Variants in BBS9 observed in about 807,000 individuals in gnomAD.
The protein encoded by BBS9 is protein PTHB1.
In BBS9, 89 loss-of-function variants were observed where a neutral mutation model predicts 117.7. The observed-to-expected ratio is 0.76, with a 90% CI of 0.64 to 0.90. BBS9 has a LOEUF of 0.90. Among genes scored for constraint, BBS9 ranks in the 40% least tolerant of loss-of-function variants. BBS9 has a pLI of 0.00. For missense variants in BBS9, 982 were observed against 1,042.2 expected (o/e 0.94, Z 0.80); for synonymous variants, 379 against 370.9 (o/e 1.02, Z -0.25).
At chr7:33,358,772 T>A (rs185933191) in intron 16 of BBS9, among the ~76,000 whole-genome samples, 244 of 152,050 alleles carry the variant, frequency 1.6e-3, no homozygotes, top group Non-Finnish European at 2.7e-3. Flanking sequence ...TCAGCACTGT[T>A]GGCTAGGAGA....
intron 1 of BBS9, among the ~76,000 whole-genome samples, chr7:33,131,385 G>T (rs897735356): frequency 2.4e-4 from 36 of 152,220 alleles, no homozygotes; most frequent in African/African-American, 8.2e-4. Flanking sequence ...TGCACCCAGA[G>T]CTGTCCTACT....
chr7:33,597,069 T>TCACACACACACACA (rs58511454), intron 21 of BBS9, among the ~76,000 whole-genome samples: 1 of 138,840 alleles, frequency 7.2e-6, no homozygotes, highest in Non-Finnish European at 1.6e-5. Context: ...TCTCTCTCTG[T>TCACACACACACACA]CACACACACA....
chr7:33,492,206 AAAAAAAAC>A (rs1844036009), intron 19 of BBS9, among the ~76,000 whole-genome samples: 1 of 147,480 alleles, frequency 6.8e-6, no homozygotes, highest in East Asian at 2.0e-4. Flanking sequence ...CCACCTCGAA[AAAAAAAAC>A]AAAAAAAAAA....
intron 12 of BBS9, among the ~76,000 whole-genome samples, chr7:33,345,896 A>G (rs1817506734): frequency 6.6e-6 from 1 of 152,178 alleles, no homozygotes; most frequent in African/African-American, 2.4e-5. Flanking sequence ...TTGTACCCCC[A>G]GCCAACCAGG....
chr7:33,564,042 TA>T (rs200296143), intron 21 of BBS9, among the ~76,000 whole-genome samples: 1 of 104,334 alleles, frequency 9.6e-6, no homozygotes, highest in Non-Finnish European at 1.7e-5. Flanking sequence ...ATCAATTCTT[TA>T]AAAAAAATTT....
At chr7:33,501,272 T>C (rs190718514) in intron 19 of BBS9, among the ~76,000 whole-genome samples, 2 of 152,352 alleles carry the variant, frequency 1.3e-5, no homozygotes, top group Admixed American at 1.3e-4. Flanking sequence ...ATTTGGCTCT[T>C]GTGGGGAACA....
At chr7:33,611,075 A>C (rs1864829429) in intron 21 of BBS9, among the ~76,000 whole-genome samples, 1 of 152,096 alleles carries the variant, frequency 6.6e-6, no homozygotes, top group African/African-American at 2.4e-5. Context: ...CAGCCGCTTC[A>C]TTGGCTCCAG....
intron 19 of BBS9, among the ~76,000 whole-genome samples, chr7:33,455,084 G>A (rs148465562): frequency 5.9e-5 from 9 of 152,288 alleles, no homozygotes; most frequent in Non-Finnish European, 1.3e-4. Flanking sequence ...GGTGATATAT[G>A]CAGAGTATTC....
intron 9 of BBS9, among the ~76,000 whole-genome samples, chr7:33,283,971 G>C (rs1464021546): frequency 6.6e-6 from 1 of 152,114 alleles, no homozygotes; most frequent in Admixed American, 6.5e-5. Context: ...ACAGGTCCTT[G>C]GTGCTAAGAA....
chr7:33,564,618 G>A (rs941923518), intron 21 of BBS9, among the ~76,000 whole-genome samples: 2 of 151,954 alleles, frequency 1.3e-5, no homozygotes, highest in African/African-American at 2.4e-5. Flanking sequence ...TTTTTTTTGC[G>A]TCAGATGTTC....
intron 17 of BBS9, among the ~76,000 whole-genome samples, chr7:33,370,300 A>C (rs1822611166): frequency 6.6e-6 from 1 of 151,918 alleles, no homozygotes; most frequent in Admixed American, 6.6e-5. Flanking sequence ...CCTATTTAAA[A>C]AAAAAAAAAG....
At chr7:33,485,048 A>C (rs1482505214) in intron 19 of BBS9, among the ~76,000 whole-genome samples, 1 of 152,206 alleles carries the variant, frequency 6.6e-6, no homozygotes, top group Non-Finnish European at 1.5e-5. Flanking sequence ...CAAGAACAGA[A>C]AACCAAACAC....
chr7:33,559,429 A>T (rs762925296), intron 21 of BBS9, among the ~76,000 whole-genome samples: 2 of 152,182 alleles, frequency 1.3e-5, no homozygotes, highest in Non-Finnish European at 2.9e-5. Flanking sequence ...ACCCAAGAGT[A>T]GCCCCCAGGA....
chr7:33,492,372 C>T (rs1844109464), intron 19 of BBS9, among the ~76,000 whole-genome samples: 1 of 152,018 alleles, frequency 6.6e-6, no homozygotes, highest in Non-Finnish European at 1.5e-5. Flanking sequence ...CACGTAATTA[C>T]TTGTCTCTTA....
chr7:33,550,734 A>G (rs73109629), intron 21 of BBS9, among the ~76,000 whole-genome samples: 16,885 of 152,198 alleles, frequency 0.11, 1,127 homozygotes, highest in African/African-American at 0.19. Flanking sequence ...TTTATGTGTC[A>G]TGTGGATATT....
At chr7:33,577,048 C>T (rs879863710) in intron 21 of BBS9, among the ~76,000 whole-genome samples, 1 of 152,144 alleles carries the variant, frequency 6.6e-6, no homozygotes, top group Non-Finnish European at 1.5e-5. Flanking sequence ...CCAAAATAGA[C>T]AAATGGGATC....
intron 5 of BBS9, among the ~76,000 whole-genome samples, chr7:33,217,594 A>G (rs1244105832): frequency 2.6e-5 from 4 of 152,266 alleles, no homozygotes; most frequent in African/African-American, 9.6e-5. Flanking sequence ...TTGATACAGA[A>G]TAATGTTTAT....
chr7:33,362,610 T>C (rs1299184625), intron 16 of BBS9, among the ~76,000 whole-genome samples: 2 of 152,200 alleles, frequency 1.3e-5, no homozygotes, highest in African/African-American at 2.4e-5. Flanking sequence ...TTTTGTTCCA[T>C]TGATATTTTT....
intron 19 of BBS9, among the ~76,000 whole-genome samples, chr7:33,460,675 A>C (rs1244307488): frequency 6.6e-6 from 1 of 152,008 alleles, no homozygotes; most frequent in Admixed American, 6.6e-5. Flanking sequence ...TCCAAACATT[A>C]CTGTCCTCTA....
Sources: allele counts gnomAD v4.1 joint callset (sites outside exome capture counted in the v4.1 genomes callset), GRCh38; gene constraint gnomAD v4.1.1; transcripts MANE v1.5; gene names NCBI Gene and HGNC (gene_info 2026-07-23, HGNC 2026-07-21).